KAZN: variants seen among roughly 807,000 people sequenced by gnomAD.
KAZN encodes the protein kazrin, periplakin interacting protein.
Under a neutral mutation model 87.4 loss-of-function variants are expected in KAZN, and 40 were observed. The observed-to-expected ratio is 0.46, with a 90% CI of 0.36 to 0.60. KAZN has a LOEUF of 0.60. Among genes scored for constraint, KAZN ranks in the 20% least tolerant of loss-of-function variants. The pLI is 0.00. For synonymous variants in KAZN, 466 were observed against 458.3 expected, an observed-to-expected ratio of 1.02 and a Z score of -0.22; for missense variants, 898 against 1,073.9, an observed-to-expected ratio of 0.84 and a Z score of 2.29.
chr1:14,952,705 GCC>G (rs1662643019), intron 1 of KAZN, among the ~76,000 whole-genome samples: 1 of 152,078 alleles, frequency 6.6e-6, no homozygotes, highest in African/African-American at 2.4e-5. Flanking sequence ...TGATGGCTCA[GCC>G]TTCAGCACAT....
chr1:14,574,459 TAGTGA>T (rs1675058620), intron 2 of KAZN, among the ~76,000 whole-genome samples: 2 of 152,148 alleles, frequency 1.3e-5, no homozygotes, highest in African/African-American at 4.8e-5. Context: ...TGGACTGTGG[TAGTGA>T]ATAAGTCTCA....
At chr1:14,596,293 CACGCACACG>C (rs1557823808), upstream of KAZN, among the ~76,000 whole-genome samples, 2 of 132,732 alleles carry the variant, frequency 1.5e-5, no homozygotes, top group African/African-American at 6.1e-5. Flanking sequence ...GGTGTGAGTG[CACGCACACG>C]TGTGCGCACA....
At chr1:13,945,964 G>A (rs1641134217) in intron 1 of KAZN, among the ~76,000 whole-genome samples, 1 of 152,092 alleles carries the variant, frequency 6.6e-6, no homozygotes, top group Admixed American at 6.5e-5. Flanking sequence ...GGTCTTGGTT[G>A]TTTCCAAAAA....
chr1:14,451,388 C>T (rs551456094), intron 2 of KAZN, among the ~76,000 whole-genome samples: 3 of 152,080 alleles, frequency 2.0e-5, no homozygotes, highest in Non-Finnish European at 2.9e-5. Flanking sequence ...CTTATCTAAG[C>T]GCCCAGCTCA....
intron 2 of KAZN, among the ~76,000 whole-genome samples, chr1:14,414,013 C>G (rs768182094): frequency 6.6e-6 from 1 of 152,192 alleles, no homozygotes; most frequent in Admixed American, 6.5e-5. Context: ...TCATGCCTGG[C>G]AGGAACCTTC....
At chr1:14,106,542 C>T (rs1644378856) in intron 1 of KAZN, among the ~76,000 whole-genome samples, 1 of 152,120 alleles carries the variant, frequency 6.6e-6, no homozygotes, top group Admixed American at 6.5e-5. Context: ...TCCCAAAGGG[C>T]TCAGCTCCCA....
intron 1 of KAZN, among the ~76,000 whole-genome samples, chr1:14,933,745 C>A (rs1463885062): frequency 6.6e-6 from 1 of 152,072 alleles, no homozygotes; most frequent in Non-Finnish European, 1.5e-5. Flanking sequence ...TGGTTTCAAG[C>A]CATCCTCCTG....
chr1:14,905,716 T>C (rs1408062541), intron 1 of KAZN, among the ~76,000 whole-genome samples: 1 of 151,126 alleles, frequency 6.6e-6, no homozygotes, highest in East Asian at 2.0e-4. Context: ...TGGTGGCACG[T>C]GCCTGTAATC....
At chr1:15,008,383 G>A (rs554133086) in intron 2 of KAZN, among the ~76,000 whole-genome samples, 1 of 152,302 alleles carries the variant, frequency 6.6e-6, no homozygotes, top group South Asian at 2.1e-4. Flanking sequence ...CTGCTCACTG[G>A]CAGGCTGACC....
chr1:14,211,886 C>T (rs1276798583), intron 2 of KAZN, among the ~76,000 whole-genome samples: 2 of 151,906 alleles, frequency 1.3e-5, no homozygotes, highest in African/African-American at 2.4e-5. Flanking sequence ...TTCACATAGG[C>T]AGGCAAGCTC....
chr1:14,545,529 A>T (rs79483781), intron 2 of KAZN, among the ~76,000 whole-genome samples: 1 of 152,168 alleles, frequency 6.6e-6, no homozygotes, highest in Non-Finnish European at 1.5e-5. Context: ...CAAGATTGTC[A>T]TAAGGTCCTC....
intron 2 of KAZN, among the ~76,000 whole-genome samples, chr1:14,994,285 T>C (rs1231342372): frequency 6.6e-6 from 1 of 152,218 alleles, no homozygotes; most frequent in East Asian, 1.9e-4. Context: ...ACCACCTCCC[T>C]CAGCCTGGAC....
intron 1 of KAZN, among the ~76,000 whole-genome samples, chr1:14,030,035 G>A (rs1378800102): frequency 1.3e-5 from 2 of 152,022 alleles, no homozygotes; most frequent in African/African-American, 2.4e-5. Flanking sequence ...GCTTTATGGG[G>A]ATGGCATTGA....
At chr1:14,064,215 C>T (rs562208590) in intron 1 of KAZN, among the ~76,000 whole-genome samples, 17 of 152,332 alleles carry the variant, frequency 1.1e-4, no homozygotes, top group African/African-American at 3.8e-4. Flanking sequence ...CTACATGCTG[C>T]CCTTGTGTTT....
At chr1:14,261,800 G>A (rs369493693) in intron 2 of KAZN, among the ~76,000 whole-genome samples, 6 of 152,110 alleles carry the variant, frequency 3.9e-5, no homozygotes, top group Non-Finnish European at 7.3e-5. Context: ...TCTGTCTTGC[G>A]GTACTTGTCA....
At chr1:14,121,398 G>A (rs902316473) in intron 1 of KAZN, among the ~76,000 whole-genome samples, 4 of 152,190 alleles carry the variant, frequency 2.6e-5, no homozygotes, top group African/African-American at 9.7e-5. Context: ...GGGCAGTGGG[G>A]CGGCGGGGGT....
Position 14,586,506 on chromosome 1 carries a change from A to G in KAZN, c.250-12477A>G, listed in dbSNP as rs2000025. 3.6e-3 allele frequency among the ~76,000 whole-genome samples: 541 copies of G among 149,940 alleles called. 8 individuals are homozygous for G. The highest frequency in any genetic ancestry group is 0.013 in the African/African-American group (519 of 40,818). ...GTAAAACAAGCCTGTTTGACTAAGCATGAACTTTTTTCTTTCTGGTTTTTT... is the reference window on the plus strand; with the variant it reads ...GTAAAACAAGCCTGTTTGACTAAGCGTGAACTTTTTTCTTTCTGGTTTTTT... On this transcript the variant is annotated intron_variant, in intron 2 of 16. Coordinates refer to the KAZN transcript ENST00000636203.
chr1:14,506,048 G>A (rs978067387), intron 2 of KAZN, among the ~76,000 whole-genome samples: 3 of 152,152 alleles, frequency 2.0e-5, no homozygotes, highest in Non-Finnish European at 4.4e-5. Flanking sequence ...TCACTAAACT[G>A]TGCACTTAAA....
intron 2 of KAZN, among the ~76,000 whole-genome samples, chr1:14,460,706 T>G (rs1205577086): frequency 6.6e-6 from 1 of 151,878 alleles, no homozygotes; most frequent in Non-Finnish European, 1.5e-5. Flanking sequence ...AGATAAGGAG[T>G]CCCTTCCTCA....
Sources: gnomAD v4.1 joint callset for allele counts (sites outside exome capture counted in the v4.1 genomes callset) on GRCh38, gnomAD v4.1.1 for gene constraint, MANE v1.5 for transcripts, NCBI Gene and HGNC (gene_info 2026-07-23, HGNC 2026-07-21) for gene names.